Variants in SLC44A1 observed in about 807,000 individuals in gnomAD.
The protein encoded by SLC44A1 is solute carrier family 44 member 1.
Under a neutral mutation model 79.3 loss-of-function variants are expected in SLC44A1, and 26 were observed. The ratio of observed to expected loss-of-function variants is 0.33; its 90% CI spans 0.24 to 0.46. SLC44A1 has a LOEUF of 0.46. Ranked by LOEUF, SLC44A1 falls within the 20% of genes least tolerant of loss-of-function variation. The pLI is 1.00. For missense variants in SLC44A1, 688 were observed against 798.1 expected (o/e 0.86, Z 1.66); for synonymous variants, 263 against 286.2 (o/e 0.92, Z 0.82).
intron 3 of SLC44A1, among the ~76,000 whole-genome samples, chr9:105,316,446 A>G (rs572485247): frequency 1.6e-4 from 24 of 152,338 alleles, no homozygotes; most frequent in African/African-American, 5.5e-4. Context: ...AAAAATATAC[A>G]TGTACATAGA....
At position 105,394,066 on chromosome 9, in the gene SLC44A1, A is replaced by T. The variant is rs1049598674; in HGVS notation, c.*5010A>T. ...TGGACTATCTTTCCTTCAAATGCAC[A>T]TCACATGTCTGTGAACACTCAAAAT... On this transcript the variant is annotated 3_prime_UTR_variant, in exon 16 of 16. Transcript: ENST00000374720. 1 of 985,046 alleles carries T rather than the reference A, an allele frequency of 1.0e-6. No individual in the cohort carries two copies. The highest frequency in any genetic ancestry group is 1.7e-5 in the African/African-American group (1 of 57,240). The allele number at this position is 985,046 out of a possible 1,614,324, so 61.0% of individuals were successfully genotyped here.
At chr9:105,371,197 G>A (rs10991642) in intron 12 of SLC44A1, among the ~76,000 whole-genome samples, 10,008 of 152,190 alleles carry the variant, frequency 0.066, 1,115 homozygotes, top group African/African-American at 0.23. Flanking sequence ...TAAGAGGGTG[G>A]GTTCCACATA....
intron 1 of SLC44A1, among the ~76,000 whole-genome samples, chr9:105,256,212 A>G (rs1283044469): frequency 6.6e-6 from 1 of 151,818 alleles, no homozygotes; most frequent in African/African-American, 2.4e-5. Flanking sequence ...GAGTTTTGCC[A>G]TGTTGCCCAG....
chr9:105,310,812 A>C (rs760779059), intron 3 of SLC44A1, among the ~76,000 whole-genome samples: 11 of 152,214 alleles, frequency 7.2e-5, no homozygotes, highest in Non-Finnish European at 1.6e-4. Context: ...CCAAATAGTT[A>C]ATTTCTCAGC....
intron 6 of SLC44A1, among the ~76,000 whole-genome samples, chr9:105,357,800 CAG>C (rs1164918994): frequency 6.6e-6 from 1 of 152,128 alleles, no homozygotes; most frequent in Non-Finnish European, 1.5e-5. Context: ...TGTTATTCCA[CAG>C]AGTCGGACCA....
chr9:105,256,741 T>TTTTTTTTTTA (rs1829716016), intron 1 of SLC44A1, among the ~76,000 whole-genome samples: 1 of 130,880 alleles, frequency 7.6e-6, no homozygotes, highest in Non-Finnish European at 1.6e-5. Context: ...TTTTGTATTA[T>TTTTTTTTTTA]TTTTATTTTA....
chr9:105,429,517 GCTCTCAAA>G (rs1829365646), intron 15 of SLC44A1, among the ~76,000 whole-genome samples: 1 of 152,280 alleles, frequency 6.6e-6, no homozygotes, highest in African/African-American at 2.4e-5. Flanking sequence ...TGTGCAGGCT[GCTCTCAAA>G]CTCCTGGGCT....
chr9:105,352,620 T>C (rs1474082543), intron 5 of SLC44A1, among the ~76,000 whole-genome samples: 1 of 152,208 alleles, frequency 6.6e-6, no homozygotes, highest in Non-Finnish European at 1.5e-5. Context: ...AAACTTACTG[T>C]ATATAGAATA....
At chr9:105,258,415 A>G (rs993418053) in intron 1 of SLC44A1, among the ~76,000 whole-genome samples, 3 of 152,246 alleles carry the variant, frequency 2.0e-5, no homozygotes, top group South Asian at 2.1e-4. Flanking sequence ...AGCGCTTTAC[A>G]TGCAGTTCTC....
intron 12 of SLC44A1, 61 bp from the exon 13 acceptor site, chr9:105,374,537 T>G: frequency 6.4e-7 from 1 of 1,551,930 alleles, no homozygotes; most frequent in Non-Finnish European, 8.8e-7. Flanking sequence ...TATGCTCAGT[T>G]TCTATCTTAA....
At position 105,366,414 on chromosome 9, in the gene SLC44A1, A is replaced by G. The variant is rs763460312; in HGVS notation, c.1479A>G (p.Leu493=). ...GCCTTTGGTGTCTTGAAAAGTGCCT[A>G]AATTATTTAAATCAGGTAAAATATT... ...ICCLWCLEKC[L]NYLNQNAYTA... is the part of the protein sequence containing the mutation. Residue 493 remains leucine, a synonymous_variant, in exon 12 of 16, where the codon CTA becomes CTG. Transcript: ENST00000374720. The G allele has an allele frequency of 1.0e-5, 15 of 1,483,166 alleles. No individual in the cohort carries two copies. Among genetic ancestry groups the G allele is most frequent in the Admixed American group, 2.0e-5 (1 of 49,836 alleles). 91.9% of individuals were successfully genotyped at this position (1,483,166 alleles called of 1,614,324 possible). A position where few individuals can be genotyped will look rare whatever the true frequency, so the allele number is the denominator to read the frequency against.
chr9:105,416,991 T>C (rs939665110), intron 15 of SLC44A1, among the ~76,000 whole-genome samples: 1 of 152,220 alleles, frequency 6.6e-6, no homozygotes, highest in Non-Finnish European at 1.5e-5. Context: ...ATTCTGGTAA[T>C]TACATTTGAC....
Position 105,393,713 on chromosome 9 carries a change from G to T in SLC44A1, c.*4657G>T. 1 of 984,830 alleles carries T rather than the reference G, an allele frequency of 1.0e-6. No homozygotes were observed. Among genetic ancestry groups the T allele is most frequent in the Non-Finnish European group, 1.2e-6 (1 of 829,434 alleles). The allele number at this position is 984,830 out of a possible 1,614,324, so 61.0% of individuals were successfully genotyped here. On this transcript the variant is annotated 3_prime_UTR_variant, in exon 16 of 16. Coordinates refer to ENST00000374720, the MANE Select transcript of SLC44A1 (RefSeq NM_080546.5). ...ATATTGCATGAACAATTGCCACTTT[G>T]TAAATTATATGGACAGAATGTGTTC...
chr9:105,311,185 G>A (rs935038994), intron 3 of SLC44A1, among the ~76,000 whole-genome samples: 7 of 152,056 alleles, frequency 4.6e-5, no homozygotes, highest in Admixed American at 1.3e-4. Flanking sequence ...GCAAGACTAC[G>A]ATTTTTTTAT....
intron 15 of SLC44A1, among the ~76,000 whole-genome samples, chr9:105,414,050 G>GT (rs36029577): frequency 0.14 from 19,202 of 140,122 alleles, 1,657 homozygotes; most frequent in African/African-American, 0.26. Flanking sequence ...TTAGTGTTTG[G>GT]TTTTTTTTTT....
At chr9:105,315,027 T>A (rs1432149952) in intron 3 of SLC44A1, among the ~76,000 whole-genome samples, 2 of 152,226 alleles carry the variant, frequency 1.3e-5, no homozygotes, top group Admixed American at 1.3e-4. Context: ...TCTGGTGAGC[T>A]GTATGGTAAT....
intron 2 of SLC44A1, among the ~76,000 whole-genome samples, chr9:105,307,903 G>A (rs1452258895): frequency 2.0e-5 from 3 of 152,290 alleles, no homozygotes; most frequent in African/African-American, 7.2e-5. Flanking sequence ...AGTCAGGAGA[G>A]GGGGAGAGGG....
intron 5 of SLC44A1, among the ~76,000 whole-genome samples, chr9:105,355,367 C>T (rs1260998663): frequency 1.3e-5 from 2 of 152,146 alleles, no homozygotes; most frequent in African/African-American, 4.8e-5. Context: ...ATATAAATGA[C>T]TAAGTAATTG....
At chr9:105,320,292 CTT>C (rs34573916) in intron 3 of SLC44A1, among the ~76,000 whole-genome samples, 1,986 of 119,038 alleles carry the variant, frequency 0.017, 35 homozygotes, top group African/African-American at 0.054. Context: ...CAATATTTAA[CTT>C]TTTTTTTTTT....
Sources: gnomAD v4.1 joint callset for allele counts (sites outside exome capture counted in the v4.1 genomes callset) on GRCh38, gnomAD v4.1.1 for gene constraint, MANE v1.5 for transcripts, NCBI Gene and HGNC (gene_info 2026-07-23, HGNC 2026-07-21) for gene names.